MEIS3: variants seen among roughly 807,000 people sequenced by gnomAD.
MEIS3 encodes homeobox protein Meis3.
In MEIS3, 38 loss-of-function variants were observed where a neutral mutation model predicts 51.4. The observed-to-expected ratio is 0.74, with a 90% confidence interval of 0.57 to 0.97. The LOEUF is 0.97. MEIS3 is among the 50% of genes least tolerant of loss of function. The probability of loss-of-function intolerance (pLI) is 0.00; values close to 1 mark genes in which losing one functional copy is unlikely to be tolerated. For synonymous variants in MEIS3, 198 were observed against 201.8 expected (o/e 0.98, Z 0.16); for missense variants, 456 against 502.6 (o/e 0.91, Z 0.89).
chr19:47,407,042 G>A lies in MEIS3; in HGVS notation c.994+37C>T, dbSNP rs755460611. ...GGACCCGGCTTTGACGCCCTCCTAA[G>A]AACCCCAGGCTCTCCGTCCCCGCCT... On this transcript the variant is annotated intron_variant, in intron 10 of 12. Transcript: ENST00000558555. The A allele has an allele frequency of 2.5e-6, 4 of 1,596,554 alleles. No individual in the cohort carries two copies. In the South Asian group the frequency reaches 4.5e-5, roughly 18 times the overall value.
Position 47,416,677 on chromosome 19 carries a change from G to A in MEIS3, c.371C>T (p.Ser124Phe), listed in dbSNP as rs764515630. ...CAGATTGTCCAGTTCTGGGTTGGAG[G>A]AGAAGAGGGGCCTCTCAGAGCGAAC... ...KQVRSERPLF[S>F]SNPELDNLMI... The change falls in exon 4 of 13, where the codon TCC becomes TTC. Residue 124 changes from serine (S) to phenylalanine (F), a missense_variant. Coordinates refer to ENST00000558555, the MANE Select transcript of MEIS3 (RefSeq NM_001301059.2). The A allele has an allele frequency of 1.9e-6, 3 of 1,557,122 alleles. No homozygotes were observed. The Admixed American group carries it at 5.9e-5, about 31-fold the overall frequency.
chr19:47,410,061 C>G (rs1288610229), intron 6 of MEIS3, among the ~76,000 whole-genome samples: 1 of 151,958 alleles, frequency 6.6e-6, no homozygotes, highest in Non-Finnish European at 1.5e-5. Context: ...AATGCCAGCA[C>G]TTTTGGAGGC....
chr19:47,417,923 C>CCACACACACATG (rs1179322626), intron 1 of MEIS3: 1 of 553,364 alleles, frequency 1.8e-6, no homozygotes, highest in African/African-American at 1.9e-5. Flanking sequence ...ATCCCCCCCC[C>CCACACACACATG]CACACACACA....
intron 12 of MEIS3, among the ~76,000 whole-genome samples, chr19:47,405,359 C>T (rs1055146368): frequency 1.1e-4 from 16 of 152,142 alleles, no homozygotes; most frequent in Non-Finnish European, 2.4e-4. Flanking sequence ...TCCTTCAGTG[C>T]CCCATCCAGA....
chr19:47,403,602 G>A (rs1272715925), intron 12 of MEIS3, 49 bp from the exon 13 acceptor site: 1 of 390,216 alleles, frequency 2.6e-6, no homozygotes, highest in African/African-American at 2.1e-5. Context: ...AGGGGGCCTG[G>A]CCCCACCCCA....
intron 11 of MEIS3, 43 bp downstream of exon 11, chr19:47,406,845 A>C: frequency 1.3e-6 from 2 of 1,511,262 alleles, no homozygotes; most frequent in Non-Finnish European, 1.8e-6. Context: ...CAGGTGGGTC[A>C]TGGTGCGCAG....
In MEIS3 at chr19:47,407,067, T is replaced by C. The variant is rs544885285; in HGVS notation, c.994+12A>G. 3 of 1,608,472 alleles carry C rather than the reference T, an allele frequency of 1.9e-6. No individual in the cohort carries two copies. The African/African-American group carries it at 4.0e-5, about 21-fold the overall frequency. ...GAACCCCAGGCTCTCCGTCCCCGCCTTCCCCCTGTACCTGTGCGGTTGGAT... is the reference window on the plus strand; with the variant it reads ...GAACCCCAGGCTCTCCGTCCCCGCCCTCCCCCTGTACCTGTGCGGTTGGAT... On this transcript the variant is annotated intron_variant, in intron 10 of 12. Coordinates refer to ENST00000558555, the MANE Select transcript of MEIS3 (RefSeq NM_001301059.2).
intron 1 of MEIS3, chr19:47,417,834 GC>G (rs1347011925): frequency 1.6e-6 from 1 of 609,974 alleles, no homozygotes; most frequent in Admixed American, 2.8e-5. Context: ...CACTCCACTC[GC>G]CACGTGAATC....
intron 8 of MEIS3, among the ~76,000 whole-genome samples, chr19:47,408,290 C>A (rs1306090201): frequency 6.6e-6 from 1 of 151,836 alleles, no homozygotes; most frequent in African/African-American, 2.4e-5. Flanking sequence ...CCATGCCTGG[C>A]TAATTTTTTT....
rs751418134 is a variant in MEIS3 at position 47,414,873 on chromosome 19, G to A, written c.448-7C>T. ...TGTCGCACAGGTCGTGGACCTGGGGGGGCACCGGGGTACTGGGGGGGGCCA... is the reference window on the plus strand; with the variant it reads ...TGTCGCACAGGTCGTGGACCTGGGGAGGCACCGGGGTACTGGGGGGGGCCA... On this transcript the variant is annotated splice_region_variant and splice_polypyrimidine_tract_variant and intron_variant, in intron 5 of 12. Transcript: ENST00000558555. 1.9e-6 allele frequency: 3 copies of A among 1,610,268 alleles called. No individual in the cohort carries two copies. The highest frequency in any genetic ancestry group is 2.5e-6 in the Non-Finnish European group (3 of 1,178,376).
rs1971614135 is a variant in MEIS3 at position 47,419,271 on chromosome 19, G to A, written c.-190C>T. On this transcript the variant is annotated 5_prime_UTR_variant, in exon 1 of 13. Transcript: ENST00000558555. ...GGGCCGGGTGGGGACTCCGCGCATG[G>A]ACCCCGGCCCCCGCCCCCAGCGGGG... 1 of 285,194 alleles carries A rather than the reference G, an allele frequency of 3.5e-6. No individual in the cohort carries two copies. The highest frequency in any genetic ancestry group is 2.3e-5 in the African/African-American group (1 of 44,014). The allele number at this position is 285,194 out of a possible 1,614,324, so 17.7% of individuals were successfully genotyped here. A position where few individuals can be genotyped will look rare whatever the true frequency, so the allele number is the denominator to read the frequency against.
Position 47,416,690 on chromosome 19 carries a change from TC to T in MEIS3, c.357del (p.Arg120GlyfsTer13), listed in dbSNP as rs1971430705. The T allele has an allele frequency of 1.3e-6, 2 of 1,569,260 alleles. No homozygotes were observed. Among genetic ancestry groups the T allele is most frequent in the Non-Finnish European group, 1.7e-6 (2 of 1,157,168 alleles). On this transcript the variant is annotated frameshift_variant, in exon 4 of 13. Transcript: ENST00000558555. LOFTEE classifies it high-confidence loss of function. Reference protein sequence around the residue: ...IAAFAKQVRSERPLFSSNPEL... With the variant: ...IAAFAKQVRSXRPLFSSNPEL... Reference sequence around the variant, plus strand: ...TCTGGGTTGGAGGAGAAGAGGGGCCTCTCAGAGCGAACCTGGGAGGGAAGAG... The same window carrying T: ...TCTGGGTTGGAGGAGAAGAGGGGCCTTCAGAGCGAACCTGGGAGGGAAGAG...
intron 5 of MEIS3, 29 bp from the exon 6 acceptor site, chr19:47,414,895 G>GGGC: frequency 8.5e-7 from 1 of 1,172,684 alleles, no homozygotes; most frequent in Non-Finnish European, 1.2e-6. Context: ...ACTGGGGGGG[G>GGGC]CCACCCACGG....
Position 47,407,355 on chromosome 19 carries a change from T to A in MEIS3, c.932A>T (p.Asn311Ile). 6.2e-7 allele frequency: 1 copy of A among 1,612,848 alleles called. No individual in the cohort carries two copies. The highest frequency in any genetic ancestry group is 8.5e-7 in the Non-Finnish European group (1 of 1,179,626). The change falls in exon 9 of 13, where the codon AAC becomes ATC. Residue 311 changes from asparagine (N) to isoleucine (I), a missense_variant. Coordinates refer to ENST00000558555, the MANE Select transcript of MEIS3 (RefSeq NM_001301059.2). Reference sequence around the variant, plus strand: ...CGGGCCCTCCTGGGCCACTCACCAGTTGTTGACTTGCAGGATGGTGAGCCC... The same window carrying A: ...CGGGCCCTCCTGGGCCACTCACCAGATGTTGACTTGCAGGATGGTGAGCCC... ...DTGLTILQVN[N>I]WFINARRRIV...
Position 47,417,337 on chromosome 19 carries a change from G to C in MEIS3, c.26C>G (p.Pro9Arg), listed in dbSNP as rs200901098. Residue 9 changes from proline (P) to arginine (R), a missense_variant, in exon 2 of 13, where the codon CCG (proline) becomes CGG (arginine). Physicochemically the swap from Pro to Arg is moderately radical, Grantham distance 103 (BLOSUM62 -2). Transcript: ENST00000558555. The stretch of plus-strand genomic sequence containing the variant: ...GCCATCCACGATGCCTGGGTAGTGC[G>C]GCAGCTCATCATACTGGGGGAAGGT... MARRYDEL[P>R]HYPGIVDGPA... The C allele has an allele frequency of 6.2e-7, 1 of 1,613,324 alleles. No individual in the cohort carries two copies. The highest frequency in any genetic ancestry group is 8.5e-7 in the Non-Finnish European group (1 of 1,179,804).
chr19:47,407,714 G>GGGA (rs1424373373), intron 8 of MEIS3: 2 of 564,608 alleles, frequency 3.5e-6, no homozygotes, highest in East Asian at 6.6e-5. Context: ...TGTGGCGTGG[G>GGGA]GGAGGGGCTT....
At chr19:47,420,908 T>TCA (rs1214820030), upstream of MEIS3, among the ~76,000 whole-genome samples, 8 of 95,816 alleles carry the variant, frequency 8.3e-5, no homozygotes, top group Admixed American at 1.2e-4. Flanking sequence ...TCTCTCTCTC[T>TCA]CTCACACACA....
chr19:47,416,804 C>T lies in MEIS3; in HGVS notation c.345G>A (p.Gln115=). 2 of 1,613,470 alleles carry T rather than the reference C, an allele frequency of 1.2e-6. No homozygotes were observed. The highest frequency in any genetic ancestry group is 1.7e-6 in the Non-Finnish European group (2 of 1,179,772). The change falls in exon 3 of 13, where the codon CAG becomes CAA. Residue 115 remains glutamine (Q), a splice_region_variant and synonymous_variant. Coordinates refer to ENST00000558555, the MANE Select transcript of MEIS3 (RefSeq NM_001301059.2). Reference sequence around the variant, plus strand: ...TGTGTGGTGGGTGGGAGGTGCCCACCTGCTTGGCAAAGGCAGCGATGTCCT... The same window carrying T: ...TGTGTGGTGGGTGGGAGGTGCCCACTTGCTTGGCAAAGGCAGCGATGTCCT... The part of the protein sequence containing the change: ...FNEDIAAFAK[Q]VRSERPLFSS...
intron 1 of MEIS3, chr19:47,417,788 G>T (rs935017775): frequency 1.9e-5 from 12 of 633,326 alleles, no homozygotes; most frequent in Non-Finnish European, 2.8e-5. Context: ...ACAGTTGGCA[G>T]ATAAGCGCAT....
Sources: allele counts gnomAD v4.1 joint callset (sites outside exome capture counted in the v4.1 genomes callset), GRCh38; gene constraint gnomAD v4.1.1; transcripts MANE v1.5; gene names NCBI Gene and HGNC (gene_info 2026-07-23, HGNC 2026-07-21).